Variants in ULK4 observed in about 807,000 individuals in gnomAD.
ULK4 encodes inactive serine/threonine-protein kinase ULK4.
A neutral mutation model predicts 160.6 loss-of-function variants in ULK4; 133 were observed. The ratio of observed to expected loss-of-function variants is 0.83; its 90% confidence interval spans 0.72 to 0.96. The LOEUF is 0.96. ULK4 is among the 40% of genes least tolerant of loss of function. ULK4 has a pLI of 0.00. For synonymous variants in ULK4, 534 were observed against 539.8 expected, an observed-to-expected ratio of 0.99 and a Z score of 0.15; for missense variants, 1,580 against 1,499.5, an observed-to-expected ratio of 1.05 and a Z score of -0.89.
intron 35 of ULK4, among the ~76,000 whole-genome samples, chr3:41,306,474 G>C (rs1158156191): frequency 1.4e-5 from 2 of 143,080 alleles, no homozygotes; most frequent in Non-Finnish European, 3.1e-5. Flanking sequence ...GGAGGGAGGT[G>C]GGGGGGTCAG....
chr3:41,549,904 G>GA (rs1459579187), intron 32 of ULK4, among the ~76,000 whole-genome samples: 6 of 150,590 alleles, frequency 4.0e-5, no homozygotes, highest in African/African-American at 9.7e-5. Flanking sequence ...GAAGTGCTAA[G>GA]AAAAAAAAAG....
chr3:41,862,090 T>C (rs73081347), intron 17 of ULK4, among the ~76,000 whole-genome samples: 18,569 of 152,142 alleles, frequency 0.12, 1,329 homozygotes, highest in Middle Eastern at 0.27. Context: ...ATTACAAGCA[T>C]GATACTGCAC....
At chr3:41,935,209 ATTTTTTTTTT>A (rs10524611) in intron 4 of ULK4, among the ~76,000 whole-genome samples, 7 of 135,612 alleles carry the variant, frequency 5.2e-5, no homozygotes, top group Admixed American at 2.1e-4. Context: ...TTATTTATTT[ATTTTTTTTTT>A]TTTTTTTTTT....
At chr3:41,559,287 T>C (rs201863446) in intron 32 of ULK4, among the ~76,000 whole-genome samples, 1 of 119,078 alleles carries the variant, frequency 8.4e-6, no homozygotes, top group African/African-American at 2.6e-5. Context: ...TGTTGGACAT[T>C]TGGATTGGTT....
At chr3:41,658,354 T>C (rs1446699295) in intron 30 of ULK4, among the ~76,000 whole-genome samples, 1 of 152,244 alleles carries the variant, frequency 6.6e-6, no homozygotes, top group Non-Finnish European at 1.5e-5. Context: ...GGGTATGGCC[T>C]GGACTTCAAA....
At chr3:41,704,255 G>A (rs2036786604) in intron 27 of ULK4, among the ~76,000 whole-genome samples, 1 of 152,180 alleles carries the variant, frequency 6.6e-6, no homozygotes, top group African/African-American at 2.4e-5. Context: ...AAACAGGCAT[G>A]AGCTGGGGTA....
chr3:41,947,610 C>A (rs1016613991), intron 2 of ULK4, among the ~76,000 whole-genome samples: 5 of 152,126 alleles, frequency 3.3e-5, no homozygotes, highest in Admixed American at 6.6e-5. Context: ...TGAATGCACC[C>A]AGCACACTGG....
chr3:41,848,706 G>C (rs1222959268), intron 17 of ULK4, among the ~76,000 whole-genome samples: 1 of 152,188 alleles, frequency 6.6e-6, no homozygotes, highest in Non-Finnish European at 1.5e-5. Context: ...GACTCCAAGA[G>C]AGTCCAGGTC....
At chr3:41,771,049 T>C (rs1346408023) in intron 21 of ULK4, among the ~76,000 whole-genome samples, 1 of 152,182 alleles carries the variant, frequency 6.6e-6, no homozygotes, top group Admixed American at 6.5e-5. Context: ...AAAACGGACA[T>C]ATTTTTTCTT....
intron 35 of ULK4, among the ~76,000 whole-genome samples, chr3:41,384,803 TG>T (rs2081762675): frequency 6.6e-6 from 1 of 152,188 alleles, no homozygotes; most frequent in African/African-American, 2.4e-5. Context: ...CAGGTTGGTC[TG>T]GAACCCCTGA....
intron 22 of ULK4, among the ~76,000 whole-genome samples, chr3:41,743,081 C>T (rs2038297318): frequency 6.6e-6 from 1 of 151,664 alleles, no homozygotes; most frequent in Non-Finnish European, 1.5e-5. Context: ...CAAAAAATAT[C>T]CAAATTCAGC....
intron 15 of ULK4, 119 bp from the exon 16 acceptor site, chr3:41,895,683 T>C (rs1330088183): frequency 6.6e-6 from 3 of 452,240 alleles, no homozygotes; most frequent in Non-Finnish European, 3.9e-6. Context: ...ATTTACACTG[T>C]ACACCAAAAA....
intron 35 of ULK4, among the ~76,000 whole-genome samples, chr3:41,307,669 T>G (rs966270468): frequency 2.6e-5 from 4 of 152,030 alleles, no homozygotes; most frequent in Non-Finnish European, 5.9e-5. Context: ...TCTACAAATA[T>G]ATTTTAAAAA....
At chr3:41,319,976 ATAACT>A (rs528283922) in intron 35 of ULK4, among the ~76,000 whole-genome samples, 1 of 152,356 alleles carries the variant, frequency 6.6e-6, no homozygotes, top group African/African-American at 2.4e-5. Context: ...AAACTTTCTC[ATAACT>A]TAAAGTTCAG....
At chr3:41,480,482 A>G (rs2084286326) in intron 32 of ULK4, among the ~76,000 whole-genome samples, 1 of 152,030 alleles carries the variant, frequency 6.6e-6, no homozygotes. Context: ...AGCAAAACCA[A>G]CCTCTCCTCT....
intron 32 of ULK4, among the ~76,000 whole-genome samples, chr3:41,481,826 CAAAAAAAAAA>C (rs71616009): frequency 1.5e-5 from 1 of 66,866 alleles, no homozygotes; most frequent in Non-Finnish European, 3.4e-5. Flanking sequence ...GACTCCGTCT[CAAAAAAAAAA>C]AAAAAAAAAA....
At chr3:41,807,583 G>A (rs370396252) in intron 19 of ULK4, among the ~76,000 whole-genome samples, 13 of 152,032 alleles carry the variant, frequency 8.6e-5, no homozygotes, top group African/African-American at 1.4e-4. Context: ...AAACACAAGC[G>A]GTTTGAGAAT....
At chr3:41,606,001 A>G in intron 31 of ULK4, among the ~76,000 whole-genome samples, 1 of 152,074 alleles carries the variant, frequency 6.6e-6, no homozygotes, top group Non-Finnish European at 1.5e-5. Context: ...TAATCCATGA[A>G]CCAAAGATAA....
intron 35 of ULK4, among the ~76,000 whole-genome samples, chr3:41,395,092 C>G (rs1029335550): frequency 6.7e-6 from 1 of 150,306 alleles, no homozygotes; most frequent in Non-Finnish European, 1.5e-5. Context: ...AATCACCACA[C>G]AGAAAGGCTC....
Sources: allele counts gnomAD v4.1 joint callset (sites outside exome capture counted in the v4.1 genomes callset), GRCh38; gene constraint gnomAD v4.1.1; transcripts MANE v1.5; gene names NCBI Gene and HGNC (gene_info 2026-07-23, HGNC 2026-07-21).